The following NTM variants were observed in gnomAD, a reference collection of about 807,000 sequenced individuals.
NTM encodes the protein IgLON family member 2.
NTM carries 13 observed loss-of-function variants against 42.1 expected under a neutral mutation model. The observed-to-expected ratio is 0.31, with a 90% CI of 0.20 to 0.49. The LOEUF is 0.49. NTM is among the 20% of genes least tolerant of loss of function. The pLI, the probability that NTM is intolerant of heterozygous loss-of-function variation, is 0.99. For missense variants in NTM, 373 were observed against 452.8 expected, an observed-to-expected ratio of 0.82 and a Z score of 1.60; for synonymous variants, 187 against 179.2, an observed-to-expected ratio of 1.04 and a Z score of -0.35.
At chr11:131,903,108 G>T (rs1459973133) in intron 1 of NTM, among the ~76,000 whole-genome samples, 1 of 142,900 alleles carries the variant, frequency 7.0e-6, no homozygotes, top group Admixed American at 7.1e-5. Flanking sequence ...AGGAAACACA[G>T]AAAAAATCCC....
chr11:132,216,084 G>T (rs550275616), intron 4 of NTM, among the ~76,000 whole-genome samples: 4 of 152,216 alleles, frequency 2.6e-5, no homozygotes, highest in Non-Finnish European at 5.9e-5. Flanking sequence ...AGACCTTCAA[G>T]AATGTGTTTT....
chr11:131,815,486 G>A (rs1171416936), intron 1 of NTM, among the ~76,000 whole-genome samples: 1 of 152,192 alleles, frequency 6.6e-6, no homozygotes, highest in East Asian at 1.9e-4. Flanking sequence ...GAGCACAGTA[G>A]ACACTCAGTA....
intron 7 of NTM, among the ~76,000 whole-genome samples, chr11:132,316,399 A>G (rs2095431160): frequency 6.6e-6 from 1 of 152,178 alleles, no homozygotes; most frequent in African/African-American, 2.4e-5. Context: ...CTATGGGTCT[A>G]TCAATCAGCA....
chr11:131,527,020 A>G (rs1426063403), intron 1 of NTM, among the ~76,000 whole-genome samples: 1 of 152,204 alleles, frequency 6.6e-6, no homozygotes, highest in Non-Finnish European at 1.5e-5. Context: ...TGGTGATTTC[A>G]GTCCTATCTA....
At chr11:132,069,144 G>C (rs574538966) in intron 2 of NTM, among the ~76,000 whole-genome samples, 7 of 146,718 alleles carry the variant, frequency 4.8e-5, no homozygotes, top group Non-Finnish European at 1.0e-4. Context: ...GCCAAAACAC[G>C]TCAAACTGAC....
At chr11:132,067,218 G>C (rs189298065) in intron 2 of NTM, among the ~76,000 whole-genome samples, 110 of 152,316 alleles carry the variant, frequency 7.2e-4, no homozygotes, top group African/African-American at 2.5e-3. Context: ...CAAAGTGCTG[G>C]GATGACCAGG....
chr11:131,373,311 A>T (rs1175372698), intron 1 of NTM, among the ~76,000 whole-genome samples: 1 of 151,952 alleles, frequency 6.6e-6, no homozygotes, highest in Non-Finnish European at 1.5e-5. Flanking sequence ...TTCCAAGGCG[A>T]TTTTTTCTTC....
At position 132,291,886 on chromosome 11, in the gene NTM, T is replaced by C. The variant is rs79246453; in HGVS notation, c.527-15803T>C. Among the ~76,000 whole-genome samples, 387 of 152,290 alleles carry C rather than the reference T, an allele frequency of 2.5e-3. 4 individuals are homozygous for C. The East Asian group carries it at 0.027, about 11-fold the overall frequency. ...AATGGGTAGGTTCGGTGGAGAGGTG[T>C]GAACAGAAGCTGGATTGGACTGGTT... On this transcript the variant is annotated intron_variant, in intron 4 of 8. Transcript: ENST00000683400.
intron 1 of NTM, among the ~76,000 whole-genome samples, chr11:131,735,392 G>A (rs1184024897): frequency 1.3e-5 from 2 of 152,190 alleles, no homozygotes; most frequent in Admixed American, 1.3e-4. Context: ...CACGAGAAAA[G>A]CCAAGTACAA....
chr11:131,735,097 A>G (rs1244562897), intron 1 of NTM, among the ~76,000 whole-genome samples: 1 of 152,188 alleles, frequency 6.6e-6, no homozygotes, highest in African/African-American at 2.4e-5. Flanking sequence ...TTGTATAACA[A>G]CTTATTTAGC....
intron 4 of NTM, among the ~76,000 whole-genome samples, chr11:132,223,082 G>A (rs1274578167): frequency 5.3e-5 from 8 of 152,266 alleles, no homozygotes; most frequent in African/African-American, 1.7e-4. Context: ...CAGAGAAAAT[G>A]GTATGGATTT....
At chr11:132,029,365 G>A (rs1363339694) in intron 2 of NTM, among the ~76,000 whole-genome samples, 54 of 103,556 alleles carry the variant, frequency 5.2e-4, no homozygotes, top group African/African-American at 2.0e-3. Flanking sequence ...AACAGGCCCC[G>A]GTGTGTGATG....
chr11:131,813,545 T>A (rs1235398150), intron 1 of NTM, among the ~76,000 whole-genome samples: 2 of 152,238 alleles, frequency 1.3e-5, no homozygotes, highest in Middle Eastern at 6.8e-3. Context: ...AAAAGAGATA[T>A]GTGAGCTTTA....
chr11:132,024,568 G>A (rs1250441092), intron 2 of NTM, among the ~76,000 whole-genome samples: 1 of 152,074 alleles, frequency 6.6e-6, no homozygotes, highest in Non-Finnish European at 1.5e-5. Flanking sequence ...CCAGTTGGTT[G>A]AATCTATGCA....
chr11:131,717,148 C>A (rs534862192), intron 1 of NTM, among the ~76,000 whole-genome samples: 3 of 152,258 alleles, frequency 2.0e-5, no homozygotes, highest in South Asian at 4.1e-4. Context: ...GCCTTTAAAC[C>A]AAGTCTTCAA....
At chr11:131,660,504 G>T (rs1565388196) in intron 1 of NTM, 1 of 457,502 alleles carries the variant, frequency 2.2e-6, no homozygotes, top group South Asian at 1.5e-5. Flanking sequence ...CTCCCGAGAG[G>T]CACCAGCCGG....
intron 1 of NTM, among the ~76,000 whole-genome samples, chr11:131,371,827 C>T (rs1941237185): frequency 2.0e-5 from 3 of 152,202 alleles, no homozygotes; most frequent in Admixed American, 2.0e-4. Flanking sequence ...TTATATTAAA[C>T]ACAGCTAAAA....
At chr11:131,747,972 A>G (rs1396211576) in intron 1 of NTM, among the ~76,000 whole-genome samples, 1 of 152,180 alleles carries the variant, frequency 6.6e-6, no homozygotes, top group African/African-American at 2.4e-5. Flanking sequence ...CGGGCACCAC[A>G]TAGCACCTGC....
chr11:131,945,794 A>G (rs2060276048), intron 2 of NTM, among the ~76,000 whole-genome samples: 1 of 152,184 alleles, frequency 6.6e-6, no homozygotes, highest in South Asian at 2.1e-4. Flanking sequence ...AAGAGTGAAT[A>G]TAATTGCTCA....
Sources: gnomAD v4.1 joint callset for allele counts (sites outside exome capture counted in the v4.1 genomes callset) on GRCh38, gnomAD v4.1.1 for gene constraint, MANE v1.5 for transcripts, NCBI Gene and HGNC (gene_info 2026-07-23, HGNC 2026-07-21) for gene names.